DMRT1: variants seen among roughly 807,000 people sequenced by gnomAD.
The protein encoded by DMRT1 is doublesex- and mab-3-related transcription factor 1.
Under a neutral mutation model 32.3 loss-of-function variants are expected in DMRT1, and 7 were observed. That is an observed-to-expected ratio of 0.22 (90% CI 0.12 to 0.41). The LOEUF is 0.41. Among genes scored for constraint, DMRT1 ranks in the 10% least tolerant of loss-of-function variants. The pLI, the probability that DMRT1 is intolerant of heterozygous loss-of-function variation, is 1.00. For missense variants in DMRT1, 625 were observed against 500.5 expected (o/e 1.25, Z -2.37); for synonymous variants, 278 against 206.1 (o/e 1.35, Z -2.99).
At chr9:882,665 T>C (rs1174218576) in intron 2 of DMRT1, among the ~76,000 whole-genome samples, 2 of 151,870 alleles carry the variant, frequency 1.3e-5, no homozygotes, top group Non-Finnish European at 2.9e-5. Flanking sequence ...TGAAGGCCTG[T>C]GTTTGCTCAG....
intron 2 of DMRT1, among the ~76,000 whole-genome samples, chr9:867,875 A>G (rs757553338): frequency 3.9e-5 from 6 of 152,192 alleles, no homozygotes; most frequent in Non-Finnish European, 7.4e-5. Flanking sequence ...GTGCTGTGTT[A>G]TTAACATACT....
intron 3 of DMRT1, among the ~76,000 whole-genome samples, chr9:910,881 G>T (rs2129736951): frequency 6.6e-6 from 1 of 152,204 alleles, no homozygotes; most frequent in South Asian, 2.1e-4. Context: ...GGTTTACTTG[G>T]TTTATTTATT....
chr9:902,442 T>TA (rs1407162354), intron 3 of DMRT1, among the ~76,000 whole-genome samples: 3 of 151,628 alleles, frequency 2.0e-5, no homozygotes, highest in Non-Finnish European at 2.9e-5. Flanking sequence ...TATGTGGACT[T>TA]ACATTTGTGC....
At chr9:956,990 G>T (rs1819621680) in intron 4 of DMRT1, among the ~76,000 whole-genome samples, 1 of 152,170 alleles carries the variant, frequency 6.6e-6, no homozygotes, top group Non-Finnish European at 1.5e-5. Flanking sequence ...TTCATGTGCA[G>T]GTTTGTTACG....
chr9:874,328 A>C (rs1273987092), intron 2 of DMRT1, among the ~76,000 whole-genome samples: 2 of 152,226 alleles, frequency 1.3e-5, no homozygotes, highest in Non-Finnish European at 2.9e-5. Context: ...TAGCGCCTTC[A>C]TCTAATATTT....
chr9:921,146 A>G (rs1262380781), intron 4 of DMRT1, among the ~76,000 whole-genome samples: 1 of 152,132 alleles, frequency 6.6e-6, no homozygotes, highest in Non-Finnish European at 1.5e-5. Context: ...TCACCCCAAA[A>G]GGAAACCCCC....
At chr9:857,179 T>C (rs1290285037) in intron 2 of DMRT1, among the ~76,000 whole-genome samples, 2 of 152,040 alleles carry the variant, frequency 1.3e-5, no homozygotes, top group Non-Finnish European at 2.9e-5. Context: ...TGGTGGCACA[T>C]GCCTGTAATC....
Position 863,147 on chromosome 9 carries a change from T to TAAAAAA in DMRT1, c.538+16005_538+16006insAAAAAA, listed in dbSNP as rs1298747003. Among the ~76,000 whole-genome samples the TAAAAAA allele has an allele frequency of 3.7e-3, 89 of 24,210 alleles. 1 individual carries two copies. The highest frequency in any genetic ancestry group is 0.021 in the Admixed American group (30 of 1,398). 15.9% of individuals were successfully genotyped at this position (24,210 alleles called of 152,430 possible). On this transcript the variant is annotated intron_variant, in intron 2 of 4. Transcript: ENST00000382276. ...CTGGGCAACAGCGAGATCAGGTCTC[T>TAAAAAA]ACAAAAAAAAAAAAAAAAAAATTAG...
At chr9:852,361 C>T (rs62529760) in intron 2 of DMRT1, among the ~76,000 whole-genome samples, 8,562 of 147,170 alleles carry the variant, frequency 0.058, 342 homozygotes, top group Middle Eastern at 0.15. Flanking sequence ...CATTTTTTTC[C>T]GGTGGTTTCA....
At chr9:890,612 A>G (rs539449315) in intron 2 of DMRT1, among the ~76,000 whole-genome samples, 2 of 152,248 alleles carry the variant, frequency 1.3e-5, no homozygotes, top group East Asian at 3.9e-4. Flanking sequence ...CAGCCAGTGG[A>G]TGGTTTCTGG....
At chr9:931,814 G>A (rs935841453) in intron 4 of DMRT1, among the ~76,000 whole-genome samples, 2 of 152,150 alleles carry the variant, frequency 1.3e-5, no homozygotes, top group African/African-American at 4.8e-5. Flanking sequence ...TGGGAGCTAG[G>A]ACTTCAGTAG....
Position 866,435 on chromosome 9 carries a change from C to A in DMRT1, c.538+19292C>A, listed in dbSNP as rs188201641. 9.4e-3 allele frequency among the ~76,000 whole-genome samples: 1,423 copies of A among 150,766 alleles called. 15 individuals are homozygous for A. The highest frequency in any genetic ancestry group is 0.033 in the African/African-American group (1,331 of 40,156). ...TGGGGAAGCTGAACTAGGTGTGTCA[C>A]ACTGTGATCCATTGCAAAAGGGACT... On this transcript the variant is annotated intron_variant, in intron 2 of 4. Transcript: ENST00000382276.
At chr9:845,389 G>T (rs138798327) in intron 1 of DMRT1, among the ~76,000 whole-genome samples, 1,777 of 151,072 alleles carry the variant, frequency 0.012, 100 homozygotes, top group Admixed American at 0.093. Context: ...TGTATTTTTA[G>T]TAGAGATGGG....
At chr9:904,790 C>T (rs1046499639) in intron 3 of DMRT1, among the ~76,000 whole-genome samples, 14 of 152,086 alleles carry the variant, frequency 9.2e-5, no homozygotes, top group African/African-American at 3.1e-4. Flanking sequence ...ACTAAAAATA[C>T]AAAATTAGCT....
At chr9:928,924 G>A (rs1478022558) in intron 4 of DMRT1, among the ~76,000 whole-genome samples, 4 of 151,132 alleles carry the variant, frequency 2.6e-5, no homozygotes, top group African/African-American at 7.3e-5. Flanking sequence ...TGCAACCTCC[G>A]CCTCCCAGAT....
At chr9:859,276 C>G (rs958352784) in intron 2 of DMRT1, among the ~76,000 whole-genome samples, 1 of 152,144 alleles carries the variant, frequency 6.6e-6, no homozygotes, top group Non-Finnish European at 1.5e-5. Flanking sequence ...GCTCCAAAGT[C>G]TGTAAAATAA....
At chr9:905,473 C>T (rs1817736263) in intron 3 of DMRT1, among the ~76,000 whole-genome samples, 1 of 143,494 alleles carries the variant, frequency 7.0e-6, no homozygotes, top group African/African-American at 2.8e-5. Flanking sequence ...CTCCCTTGCC[C>T]CTGTGTGTGT....
intron 4 of DMRT1, among the ~76,000 whole-genome samples, chr9:925,869 C>G (rs376584143): frequency 6.6e-6 from 1 of 152,152 alleles, no homozygotes; most frequent in Non-Finnish European, 1.5e-5. Context: ...GGAACTGAAG[C>G]TCAGTGATGA....
At chr9:927,561 TG>T (rs1818569088) in intron 4 of DMRT1, among the ~76,000 whole-genome samples, 1 of 152,208 alleles carries the variant, frequency 6.6e-6, no homozygotes, top group Non-Finnish European at 1.5e-5. Context: ...GGCTGTTATA[TG>T]GGGATAGCTT....
Sources: gnomAD v4.1 joint callset for allele counts (sites outside exome capture counted in the v4.1 genomes callset) on GRCh38, gnomAD v4.1.1 for gene constraint, MANE v1.5 for transcripts, NCBI Gene and HGNC (gene_info 2026-07-23, HGNC 2026-07-21) for gene names.